Variants in SAV1 observed in about 807,000 individuals in gnomAD.
SAV1 encodes salvador family WW domain containing protein 1.
Under a neutral mutation model 47.3 loss-of-function variants are expected in SAV1, and 23 were observed. The ratio of observed to expected loss-of-function variants is 0.49; its 90% CI spans 0.35 to 0.69. The LOEUF (loss-of-function observed/expected upper bound fraction) is 0.69, where lower values mean the gene tolerates loss of function less well. Among genes scored for constraint, SAV1 ranks in the 30% least tolerant of loss-of-function variants. The probability of loss-of-function intolerance (pLI) is 0.01; values close to 1 mark genes in which losing one functional copy is unlikely to be tolerated. For synonymous variants in SAV1, 155 were observed against 159.2 expected, an observed-to-expected ratio of 0.97 and a Z score of 0.20; for missense variants, 448 against 457.4, an observed-to-expected ratio of 0.98 and a Z score of 0.19.
intron 1 of SAV1, among the ~76,000 whole-genome samples, chr14:50,666,986 A>G (rs1473647911): frequency 6.6e-6 from 1 of 152,002 alleles, no homozygotes. Context: ...ATGAGGTAAT[A>G]CTTAAGTCAC....
At chr14:50,653,074 C>A (rs946216685) in intron 2 of SAV1, among the ~76,000 whole-genome samples, 1 of 151,784 alleles carries the variant, frequency 6.6e-6, no homozygotes, top group Admixed American at 6.6e-5. Context: ...GAGGTACAAT[C>A]TACAAAACAT....
At position 50,643,425 on chromosome 14, in the gene SAV1, G is replaced by C. The variant is rs1595637265; in HGVS notation, c.806+1319C>G. On this transcript the variant is annotated intron_variant, in intron 3 of 4. Coordinates refer to ENST00000324679, the MANE Select transcript of SAV1 (RefSeq NM_021818.4). ...ACGTGGTGGCAGGAGAGAGAAAGAAGGGGGAACTGCCACACACTTTTAAAC... is the reference window on the plus strand; with the variant it reads ...ACGTGGTGGCAGGAGAGAGAAAGAACGGGGAACTGCCACACACTTTTAAAC... Among the ~76,000 whole-genome samples the C allele has an allele frequency of 2.0e-5, 3 of 152,236 alleles. No homozygotes were observed. In the Middle Eastern group the frequency reaches 0.01, roughly 518 times the overall value.
intron 1 of SAV1, among the ~76,000 whole-genome samples, chr14:50,666,794 A>AC (rs1566749737): frequency 6.6e-6 from 1 of 151,916 alleles, no homozygotes; most frequent in African/African-American, 2.4e-5. Context: ...AAAAAAAAAA[A>AC]AACAACTTAA....
In SAV1 at chr14:50,665,240, A is replaced by G. The variant is rs377300743; in HGVS notation, c.474T>C (p.Tyr158=). 1.2e-4 allele frequency: 187 copies of G among 1,611,562 alleles called. No individual in the cohort carries two copies. Among genetic ancestry groups the G allele is most frequent in the Middle Eastern group, 4.9e-4 (3 of 6,064 alleles). ...GGAAGAGATCATGGTTGTATTCATA[A>G]TATCTGTAGTCTTCATGTGCACGAT... ...LGDRAHEDYR[Y]YEYNHDLFQR... is the part of the protein sequence containing the mutation. The change falls in exon 2 of 5, where the codon TAT becomes TAC. Residue 158 remains tyrosine, a synonymous_variant. Transcript: ENST00000324679.
intron 2 of SAV1, chr14:50,664,182 T>C (rs1048863451): frequency 3.3e-5 from 5 of 152,134 alleles, no homozygotes; most frequent in Non-Finnish European, 7.4e-5. Flanking sequence ...TTTCCACAAA[T>C]AAGGTACTAG....
intron 4 of SAV1, among the ~76,000 whole-genome samples, chr14:50,638,474 C>A (rs888076274): frequency 5.9e-5 from 9 of 152,140 alleles, no homozygotes; most frequent in African/African-American, 2.2e-4. Flanking sequence ...AATAACCTGT[C>A]CACACTGCAT....
At chr14:50,646,834 C>T (rs1029820707) in intron 2 of SAV1, among the ~76,000 whole-genome samples, 4 of 152,092 alleles carry the variant, frequency 2.6e-5, no homozygotes, top group Non-Finnish European at 5.9e-5. Flanking sequence ...AGGACTCACA[C>T]TACCTGATTT....
intron 2 of SAV1, among the ~76,000 whole-genome samples, chr14:50,653,357 A>T (rs1480737669): frequency 6.6e-6 from 1 of 152,198 alleles, no homozygotes; most frequent in Admixed American, 6.5e-5. Flanking sequence ...CTAGCATTCA[A>T]CCCTTCTTTC....
chr14:50,651,636 T>C (rs1022718203), intron 2 of SAV1, among the ~76,000 whole-genome samples: 19 of 152,206 alleles, frequency 1.2e-4, no homozygotes, highest in African/African-American at 2.9e-4. Context: ...TTTATTGTTA[T>C]TTATTTTTGA....
At chr14:50,666,898 G>A (rs1239415489) in intron 1 of SAV1, among the ~76,000 whole-genome samples, 6 of 152,084 alleles carry the variant, frequency 3.9e-5, no homozygotes, top group African/African-American at 7.2e-5. Context: ...CTGACAATGT[G>A]GTTATGATGG....
chr14:50,653,105 C>T (rs2039783157), intron 2 of SAV1, among the ~76,000 whole-genome samples: 1 of 151,844 alleles, frequency 6.6e-6, no homozygotes, highest in South Asian at 2.1e-4. Context: ...TCAAAACTGT[C>T]AAGGTCATAA....
Position 50,634,043 on chromosome 14 carries a change from C to A in SAV1, c.*1140G>T, listed in dbSNP as rs1031810892. On this transcript the variant is annotated 3_prime_UTR_variant, in exon 5 of 5. Coordinates refer to ENST00000324679, the MANE Select transcript of SAV1 (RefSeq NM_021818.4). ...AATAATATACATTCGATTTAATGAC[C>A]AAAAATTTTTTTTGAATCCCTGGTT... 6.9e-6 allele frequency: 2 copies of A among 291,018 alleles called. No homozygotes were observed. The highest frequency in any genetic ancestry group is 1.4e-5 in the Non-Finnish European group (2 of 138,226). 18.0% of individuals were successfully genotyped at this position (291,018 alleles called of 1,614,324 possible).
intron 2 of SAV1, among the ~76,000 whole-genome samples, chr14:50,658,597 C>A (rs2039832334): frequency 6.6e-6 from 1 of 152,158 alleles, no homozygotes; most frequent in South Asian, 2.1e-4. Context: ...TCCTGAAAAT[C>A]TAATAACTAA....
intron 2 of SAV1, among the ~76,000 whole-genome samples, chr14:50,651,386 G>A (rs2039768606): frequency 6.6e-6 from 1 of 152,122 alleles, no homozygotes; most frequent in Non-Finnish European, 1.5e-5. Context: ...GGGGGAGGAA[G>A]GAAATGGGGT....
At chr14:50,655,710 G>C (rs1382214224) in intron 2 of SAV1, among the ~76,000 whole-genome samples, 1 of 152,092 alleles carries the variant, frequency 6.6e-6, no homozygotes, top group Admixed American at 6.5e-5. Flanking sequence ...CCAGGCGTGA[G>C]CCACTATACC....
intron 3 of SAV1, among the ~76,000 whole-genome samples, chr14:50,641,217 G>C (rs572547643): frequency 6.6e-6 from 1 of 152,262 alleles, no homozygotes; most frequent in Admixed American, 6.5e-5. Flanking sequence ...TCTAAGAAAG[G>C]ATGTTTCCTT....
chr14:50,654,196 AC>A (rs1386445554), intron 2 of SAV1, among the ~76,000 whole-genome samples: 3 of 152,202 alleles, frequency 2.0e-5, no homozygotes, highest in Non-Finnish European at 2.9e-5. Context: ...ATGCTGTTTG[AC>A]AGCATTTTAC....
chr14:50,651,092 G>C (rs992582185), intron 2 of SAV1, among the ~76,000 whole-genome samples: 4 of 151,382 alleles, frequency 2.6e-5, no homozygotes, highest in Non-Finnish European at 4.4e-5. Context: ...TGCAGCCCCA[G>C]CTGACGTGTG....
chr14:50,667,392 CT>C (rs1430306192), intron 1 of SAV1: 1 of 455,922 alleles, frequency 2.2e-6, no homozygotes, highest in Admixed American at 2.4e-5. Context: ...CTTCTCAAGT[CT>C]GCATCCGGCA....
Sources: gnomAD v4.1 joint callset for allele counts (sites outside exome capture counted in the v4.1 genomes callset) on GRCh38, gnomAD v4.1.1 for gene constraint, MANE v1.5 for transcripts, NCBI Gene and HGNC (gene_info 2026-07-23, HGNC 2026-07-21) for gene names.